The following KIAA1549 variants were observed in gnomAD, a reference collection of about 807,000 sequenced individuals.
The protein encoded by KIAA1549 is KIAA1549, also known as UPF0606 protein KIAA1549.
In KIAA1549, 70 loss-of-function variants were observed where a neutral mutation model predicts 156.4. The observed-to-expected ratio is 0.45, with a 90% confidence interval of 0.37 to 0.55. The LOEUF is 0.55. Ranked by LOEUF, KIAA1549 falls within the 20% of genes least tolerant of loss-of-function variation. KIAA1549 has a pLI of 0.00. For missense variants in KIAA1549, 2,428 were observed against 2,540.9 expected (o/e 0.96, Z 0.96); for synonymous variants, 1,103 against 1,066.4 (o/e 1.03, Z -0.67).
At position 138,836,641 on chromosome 7, in the gene KIAA1549, T is replaced by C. The variant is rs1809715803; in HGVS notation, c.*1265A>G. 4.6e-6 allele frequency: 1 copy of C among 219,388 alleles called. No individual in the cohort carries two copies. Among genetic ancestry groups the C allele is most frequent in the Non-Finnish European group, 9.1e-6 (1 of 109,366 alleles). The allele number at this position is 219,388 out of a possible 1,614,324, so 13.6% of individuals were successfully genotyped here. On this transcript the variant is annotated 3_prime_UTR_variant, in exon 20 of 20. Coordinates refer to ENST00000422774, the MANE Select transcript of KIAA1549 (RefSeq NM_001164665.2). ...TTATTTGGAAAGTGGGGGAAATGTT[T>C]ACATCAGGAGTACATCTTAAGCGAG... is the stretch of plus-strand genomic sequence containing the variant.
rs545003935 is a variant in KIAA1549 at position 138,903,553 on chromosome 7, C to A, written c.3669+35G>T. 155 of 1,604,562 alleles carry A rather than the reference C, an allele frequency of 9.7e-5. 3 individuals are homozygous for A. The South Asian group carries it at 1.7e-3, about 17-fold the overall frequency. On this transcript the variant is annotated intron_variant, in intron 8 of 19. Coordinates refer to ENST00000422774, the MANE Select transcript of KIAA1549 (RefSeq NM_001164665.2). The stretch of plus-strand genomic sequence containing the variant: ...ACACGCAAGCGCTGTCTCTCTCCCT[C>A]TCTCTCCTTCCCCTCCTCCTTTGAT...
rs56876601 is a variant in KIAA1549, at chr7:138,871,751, T to C, written c.4346-389A>G. Among the ~76,000 whole-genome samples the C allele has an allele frequency of 3.7e-3, 557 of 152,370 alleles. 5 individuals carry two copies. Among genetic ancestry groups the C allele is most frequent in the African/African-American group, 0.012 (480 of 41,602 alleles). ...TCAGAAAACACATTTATAGCGGCTC[T>C]GAACTATTGCTACCATCTGGCAGGG... On this transcript the variant is annotated intron_variant, in intron 12 of 19. Transcript: ENST00000422774.
intron 13 of KIAA1549, 112 bp from the exon 14 acceptor site, chr7:138,869,873 A>T: frequency 5.1e-6 from 4 of 790,694 alleles, no homozygotes; most frequent in Non-Finnish European, 7.9e-6. Context: ...TATTTGAGAC[A>T]GAGTCTCACT....
chr7:138,857,576 T>G (rs181656471), intron 16 of KIAA1549, among the ~76,000 whole-genome samples: 3 of 152,338 alleles, frequency 2.0e-5, no homozygotes, highest in Non-Finnish European at 4.4e-5. Flanking sequence ...TCATGAGACT[T>G]CCAGTTGTTT....
At chr7:138,881,252 T>C in intron 11 of KIAA1549, 136 bp downstream of exon 11, 1 of 799,640 alleles carries the variant, frequency 1.3e-6, no homozygotes, top group Non-Finnish European at 1.9e-6. Flanking sequence ...TGTGTGACTT[T>C]GGGCAAGTCA....
At chr7:138,887,103 T>C (rs1453256444) in intron 10 of KIAA1549, among the ~76,000 whole-genome samples, 1 of 151,900 alleles carries the variant, frequency 6.6e-6, no homozygotes, top group Non-Finnish European at 1.5e-5. Context: ...ACAGATGGGG[T>C]TTCACCATGT....
At chr7:138,856,821 A>G (rs2130358224) in intron 16 of KIAA1549, among the ~76,000 whole-genome samples, 1 of 152,336 alleles carries the variant, frequency 6.6e-6, no homozygotes, top group East Asian at 1.9e-4. Flanking sequence ...GTCTGGTTAA[A>G]CATTATTTCT....
intron 14 of KIAA1549, among the ~76,000 whole-genome samples, chr7:138,868,488 C>T (rs530476530): frequency 3.3e-5 from 5 of 152,218 alleles, no homozygotes; most frequent in African/African-American, 7.2e-5. Flanking sequence ...AGTGCAATGG[C>T]GTGATCTCGG....
At chr7:138,965,283 T>C (rs933947495) in intron 1 of KIAA1549, among the ~76,000 whole-genome samples, 2 of 152,208 alleles carry the variant, frequency 1.3e-5, no homozygotes, top group Non-Finnish European at 2.9e-5. Context: ...ATGTATATCA[T>C]TTTTATAATC....
Position 138,945,312 on chromosome 7 carries a change from C to T in KIAA1549, c.188-25874G>A, listed in dbSNP as rs117617456. ...CAGCCACTGTCTAAGACATCTCATC[C>T]CGTCCTTCCAGGCAGTTCTCAGAGC... On this transcript the variant is annotated intron_variant, in intron 1 of 19. Coordinates refer to ENST00000422774, the MANE Select transcript of KIAA1549 (RefSeq NM_001164665.2). Among the ~76,000 whole-genome samples, 892 of 152,320 alleles carry T rather than the reference C, an allele frequency of 5.9e-3. 4 individuals carry two copies. Among genetic ancestry groups the T allele is most frequent in the Non-Finnish European group, 9.9e-3 (673 of 68,030 alleles).
intron 1 of KIAA1549, among the ~76,000 whole-genome samples, chr7:138,947,216 T>C (rs1282621917): frequency 1.3e-5 from 2 of 152,204 alleles, no homozygotes; most frequent in African/African-American, 4.8e-5. Context: ...AAATAAAATA[T>C]GATGGAAAAC....
At chr7:138,872,048 C>A (rs1810951936) in intron 12 of KIAA1549, among the ~76,000 whole-genome samples, 1 of 152,080 alleles carries the variant, frequency 6.6e-6, no homozygotes, top group Non-Finnish European at 1.5e-5. Context: ...GATAGTGATT[C>A]TCCTGCCTCA....
chr7:138,854,713 C>T (rs1810334289), intron 16 of KIAA1549, among the ~76,000 whole-genome samples: 2 of 152,246 alleles, frequency 1.3e-5, no homozygotes, highest in South Asian at 4.2e-4. Context: ...CTACCATTCT[C>T]ATCCAACTAC....
At chr7:138,897,583 A>T (rs1385764265) in intron 9 of KIAA1549, among the ~76,000 whole-genome samples, 2 of 152,088 alleles carry the variant, frequency 1.3e-5, no homozygotes, top group African/African-American at 4.8e-5. Context: ...GACTGCTTGC[A>T]GGATCACAAA....
chr7:138,940,322 T>C (rs1271917012), intron 1 of KIAA1549, among the ~76,000 whole-genome samples: 3 of 151,860 alleles, frequency 2.0e-5, no homozygotes, highest in African/African-American at 4.8e-5. Context: ...GCTTCATCCA[T>C]GTCCCTACAA....
At position 138,919,324 on chromosome 7, in the gene KIAA1549, G is replaced by C; in HGVS notation, c.302C>G (p.Ser101Cys). Residue 101 changes from serine (S) to cysteine (C), a missense_variant, in exon 2 of 20, where the codon TCC becomes TGC. Physicochemically the swap from Ser to Cys is moderately radical, Grantham distance 112. Transcript: ENST00000422774. ...QVALTETAPGSQHSSPLHVTA... is the reference protein window; with the variant it reads ...QVALTETAPGCQHSSPLHVTA... ...GACATGGAGAGGACTGCTGTGCTGG[G>C]AGCCGGGAGCAGTTTCTGTTAAGGC... The C allele has an allele frequency of 6.2e-7, 1 of 1,614,008 alleles. No homozygotes were observed. The highest frequency in any genetic ancestry group is 8.5e-7 in the Non-Finnish European group (1 of 1,179,894).
At chr7:138,843,958 C>T (rs979247327) in intron 18 of KIAA1549, among the ~76,000 whole-genome samples, 8 of 152,276 alleles carry the variant, frequency 5.3e-5, no homozygotes, top group African/African-American at 1.7e-4. Flanking sequence ...CTTTGAGAGT[C>T]GTTCGTTACA....
intron 1 of KIAA1549, among the ~76,000 whole-genome samples, chr7:138,923,184 C>G (rs1812610350): frequency 6.6e-6 from 1 of 152,204 alleles, no homozygotes; most frequent in African/African-American, 2.4e-5. Context: ...TCTATCAAGA[C>G]ATTTTCAGCT....
chr7:138,884,217 C>T (rs760451327), intron 10 of KIAA1549, among the ~76,000 whole-genome samples: 30 of 151,942 alleles, frequency 2.0e-4, no homozygotes, highest in Non-Finnish European at 3.7e-4. Context: ...AGCACCCCCA[C>T]GGAGGGCACA....
Sources: allele counts gnomAD v4.1 joint callset (sites outside exome capture counted in the v4.1 genomes callset), GRCh38; gene constraint gnomAD v4.1.1; transcripts MANE v1.5; gene names NCBI Gene and HGNC (gene_info 2026-07-23, HGNC 2026-07-21).